CLVS1: variants seen among roughly 807,000 people sequenced by gnomAD.
CLVS1 encodes the protein clavesin 1.
Under a neutral mutation model 33.1 loss-of-function variants are expected in CLVS1, and 10 were observed. That is an observed-to-expected ratio of 0.30 (90% confidence interval 0.19 to 0.51). CLVS1 has a LOEUF of 0.51. CLVS1 is among the 20% of genes least tolerant of loss of function. The pLI, the probability that CLVS1 is intolerant of heterozygous loss-of-function variation, is 0.97. For missense variants in CLVS1, 343 were observed against 433.4 expected (o/e 0.79, Z 1.85); for synonymous variants, 163 against 166.1 (o/e 0.98, Z 0.14).
intron 2 of CLVS1, among the ~76,000 whole-genome samples, chr8:61,266,830 A>C (rs1809315583): frequency 6.6e-6 from 1 of 152,210 alleles, no homozygotes; most frequent in South Asian, 2.1e-4. Context: ...CTCATGATAG[A>C]TAGCTAATGG....
intron 2 of CLVS1, among the ~76,000 whole-genome samples, chr8:61,200,588 C>T (rs1485361803): frequency 6.6e-6 from 1 of 152,146 alleles, no homozygotes; most frequent in Non-Finnish European, 1.5e-5. Flanking sequence ...TATTTTTCAA[C>T]TTATTTATTT....
the CLVS1 span, among the ~76,000 whole-genome samples, chr8:60,989,356 A>G: frequency 6.6e-6 from 1 of 151,844 alleles, no homozygotes; most frequent in East Asian, 1.9e-4. Context: ...AATTTTTTAT[A>G]TTTAGTAGAG....
At chr8:61,429,596 G>A (rs1816035293) in intron 3 of CLVS1, among the ~76,000 whole-genome samples, 1 of 151,988 alleles carries the variant, frequency 6.6e-6, no homozygotes, top group Admixed American at 6.6e-5. Flanking sequence ...TCGTTGTATT[G>A]GGGATTAAGT....
At chr8:61,042,440 G>A in the CLVS1 span, among the ~76,000 whole-genome samples, 1 of 152,178 alleles carries the variant, frequency 6.6e-6, no homozygotes, top group South Asian at 2.1e-4. Context: ...GAACTAGGTG[G>A]CTTATAAACA....
chr8:61,117,647 T>C (rs1163536099), intron 1 of CLVS1, among the ~76,000 whole-genome samples: 13 of 151,932 alleles, frequency 8.6e-5, no homozygotes, highest in African/African-American at 2.9e-4. Context: ...TTTTTGTCTT[T>C]GGCTCTGTTT....
chr8:61,501,136 T>C lies in CLVS1; in HGVS notation c.*1594T>C, dbSNP rs1804838822. The C allele has an allele frequency of 6.6e-6, 1 of 152,096 alleles. No homozygotes were observed. The highest frequency in any genetic ancestry group is 6.5e-5 in the Admixed American group (1 of 15,272). 9.4% of individuals were successfully genotyped at this position (152,096 alleles called of 1,614,324 possible). ...GTGTAGACATACGAAATCACAAAAA[T>C]AATAACACTGAAATAATTCTACCAA... On this transcript the variant is annotated 3_prime_UTR_variant, in exon 6 of 6. Coordinates refer to ENST00000325897, the MANE Select transcript of CLVS1 (RefSeq NM_173519.3).
chr8:61,086,099 T>TGACTGTAA (rs1805122435), intron 1 of CLVS1, among the ~76,000 whole-genome samples: 1 of 133,682 alleles, frequency 7.5e-6, no homozygotes, highest in East Asian at 2.2e-4. Flanking sequence ...TGGTGGTGTG[T>TGACTGTAA]GACTGTAATC....
chr8:61,149,561 A>C (rs932818905), intron 2 of CLVS1, among the ~76,000 whole-genome samples: 5 of 149,768 alleles, frequency 3.3e-5, no homozygotes, highest in East Asian at 1.9e-4. Context: ...CAAAAAAAAA[A>C]AAAAAAACAA....
intron 3 of CLVS1, among the ~76,000 whole-genome samples, chr8:61,440,286 C>T (rs1013034736): frequency 7.9e-5 from 12 of 152,194 alleles, no homozygotes; most frequent in Admixed American, 2.0e-4. Flanking sequence ...TGAGACAACA[C>T]ATATAAAAGT....
intron 2 of CLVS1, among the ~76,000 whole-genome samples, chr8:61,260,989 C>T (rs956561402): frequency 6.6e-6 from 1 of 152,156 alleles, no homozygotes; most frequent in African/African-American, 2.4e-5. Context: ...AATTTGGATT[C>T]AGTAGGTTTG....
chr8:61,010,871 G>A, the CLVS1 span, among the ~76,000 whole-genome samples: 9 of 152,204 alleles, frequency 5.9e-5, no homozygotes, highest in African/African-American at 2.2e-4. Context: ...GTGCTATGAT[G>A]TAAACTATGT....
At chr8:61,034,145 C>T in the CLVS1 span, among the ~76,000 whole-genome samples, 1 of 152,222 alleles carries the variant, frequency 6.6e-6, no homozygotes, top group Admixed American at 6.5e-5. Flanking sequence ...TCCTTTTCTA[C>T]AGCTTGAGAA....
chr8:61,131,843 T>G (rs1159696173), exon 2 of CLVS1: 1 of 152,210 alleles, frequency 6.6e-6, no homozygotes, highest in Non-Finnish European at 1.5e-5. Flanking sequence ...ACCGGACTTT[T>G]TATCAGCCAG....
intron 1 of CLVS1, among the ~76,000 whole-genome samples, chr8:61,094,982 GT>G (rs1307301634): frequency 6.6e-6 from 1 of 152,130 alleles, no homozygotes; most frequent in African/African-American, 2.4e-5. Context: ...ATTATTCTTT[GT>G]TATGTATATT....
chr8:61,389,608 T>C (rs1396964457), intron 3 of CLVS1, among the ~76,000 whole-genome samples: 1 of 152,018 alleles, frequency 6.6e-6, no homozygotes, highest in Non-Finnish European at 1.5e-5. Context: ...ATTTTGCAAC[T>C]GAAGCTAGAA....
intron 5 of CLVS1, among the ~76,000 whole-genome samples, chr8:61,490,323 CAA>C (rs112419815): frequency 1.3e-4 from 11 of 86,530 alleles, no homozygotes; most frequent in Admixed American, 2.5e-4. Flanking sequence ...AACTCCGTCT[CAA>C]AAAAAAAAAA....
the CLVS1 span, among the ~76,000 whole-genome samples, chr8:61,037,082 A>C: frequency 2.6e-5 from 4 of 152,248 alleles, no homozygotes; most frequent in African/African-American, 9.6e-5. Context: ...AGGTACTGCC[A>C]TGAAACTAAA....
At chr8:61,142,867 G>A (rs535489879) in intron 2 of CLVS1, among the ~76,000 whole-genome samples, 16 of 152,228 alleles carry the variant, frequency 1.1e-4, no homozygotes, top group African/African-American at 3.9e-4. Context: ...AAACCTCTTC[G>A]ACACTTGTGA....
chr8:61,109,704 T>A (rs949061245), intron 1 of CLVS1, among the ~76,000 whole-genome samples: 3 of 152,216 alleles, frequency 2.0e-5, no homozygotes, highest in Non-Finnish European at 4.4e-5. Context: ...ATGAGGGCTC[T>A]GCCTTCATGA....
Sources: gnomAD v4.1 joint callset for allele counts (sites outside exome capture counted in the v4.1 genomes callset) on GRCh38, gnomAD v4.1.1 for gene constraint, MANE v1.5 for transcripts, NCBI Gene and HGNC (gene_info 2026-07-23, HGNC 2026-07-21) for gene names.